PRKCH: variants seen among roughly 807,000 people sequenced by gnomAD.
PRKCH encodes the protein protein kinase C eta type.
PRKCH carries 28 observed loss-of-function variants against 82.5 expected under a neutral mutation model. The observed-to-expected ratio is 0.34, with a 90% CI of 0.25 to 0.47. The LOEUF (loss-of-function observed/expected upper bound fraction) is 0.47. Among genes scored for constraint, PRKCH ranks in the 20% least tolerant of loss-of-function variants. PRKCH has a pLI of 1.00. For missense variants in PRKCH, 705 were observed against 881.8 expected (o/e 0.80, Z 2.54); for synonymous variants, 322 against 327.4 (o/e 0.98, Z 0.18).
intron 1 of PRKCH, among the ~76,000 whole-genome samples, chr14:61,343,979 G>A (rs1594930997): frequency 6.6e-6 from 1 of 152,120 alleles, no homozygotes; most frequent in African/African-American, 2.4e-5. Flanking sequence ...TCTTTTGGAC[G>A]ATGACTTCCT....
chr14:61,506,075 CT>C (rs1249490239), intron 10 of PRKCH, among the ~76,000 whole-genome samples: 2 of 152,084 alleles, frequency 1.3e-5, no homozygotes, highest in Non-Finnish European at 2.9e-5. Flanking sequence ...CCTACCAGGC[CT>C]GGTTCAGTCT....
intron 10 of PRKCH, among the ~76,000 whole-genome samples, chr14:61,521,727 C>T (rs367782177): frequency 2.0e-4 from 31 of 152,192 alleles, no homozygotes; most frequent in African/African-American, 6.3e-4. Flanking sequence ...CCACTGTGCC[C>T]GGCCTTAATC....
intron 10 of PRKCH, 103 bp downstream of exon 10, chr14:61,485,759 G>A (rs954885133): frequency 1.4e-6 from 2 of 1,395,466 alleles, no homozygotes; most frequent in African/African-American, 2.9e-5. Flanking sequence ...AACCTTTTTT[G>A]GAATTAAATT....
chr14:61,377,584 A>G (rs1334140186), intron 1 of PRKCH, among the ~76,000 whole-genome samples: 1 of 152,320 alleles, frequency 6.6e-6, no homozygotes, highest in African/African-American at 2.4e-5. Context: ...TAAGGTCTCA[A>G]TCACAGCTAC....
In PRKCH at chr14:61,549,771, A is replaced by C; in HGVS notation, c.1992A>C (p.Pro664=). ...VLTPIDEGHL[P]MINQDEFRNF... Reference sequence around the variant, plus strand: ...CTCCAATTGATGAGGGACATCTTCCAATGATTAACCAGGATGAGTTTAGAA... The same window carrying C: ...CTCCAATTGATGAGGGACATCTTCCCATGATTAACCAGGATGAGTTTAGAA... The change falls in exon 14 of 14, where the codon CCA becomes CCC. Residue 664 remains proline (P), a synonymous_variant. Transcript: ENST00000332981. 6.2e-7 allele frequency: 1 copy of C among 1,614,086 alleles called. No homozygotes were observed. The highest frequency in any genetic ancestry group is 8.5e-7 in the Non-Finnish European group (1 of 1,180,016).
chr14:61,322,232 A>G lies in PRKCH; in HGVS notation c.131A>G (p.Tyr44Cys). ...AAGGGCCACCAGCTGCTGGACCCCT[A>G]TCTGACGGTGAGCGTGGACCAGGTG... ...FKKGHQLLDP[Y>C]LTVSVDQVRV... Residue 44 changes from tyrosine to cysteine, a missense_variant, in exon 1 of 14, where the codon TAT (tyrosine) becomes TGT (cysteine). Physicochemically the swap from Tyr to Cys is radical, Grantham distance 194. Coordinates refer to ENST00000332981, the MANE Select transcript of PRKCH (RefSeq NM_006255.5). 6.2e-7 allele frequency: 1 copy of G among 1,613,396 alleles called. No individual in the cohort carries two copies. The highest frequency in any genetic ancestry group is 8.5e-7 in the Non-Finnish European group (1 of 1,179,848).
At chr14:61,221,305 A>G (rs936675216) in intron 1 of PRKCH, among the ~76,000 whole-genome samples, 2 of 152,216 alleles carry the variant, frequency 1.3e-5, no homozygotes, top group African/African-American at 4.8e-5. Flanking sequence ...GGGATTTCCC[A>G]TTAAATTAAC....
chr14:61,373,386 A>G (rs1333010499), intron 1 of PRKCH, among the ~76,000 whole-genome samples: 1 of 151,814 alleles, frequency 6.6e-6, no homozygotes, highest in African/African-American at 2.4e-5. Flanking sequence ...AACCAACCAG[A>G]TGTCATGAGA....
At chr14:61,323,186 C>G (rs1400987907) in intron 1 of PRKCH, among the ~76,000 whole-genome samples, 1 of 152,176 alleles carries the variant, frequency 6.6e-6, no homozygotes, top group Non-Finnish European at 1.5e-5. Flanking sequence ...TTCCCTCCCC[C>G]CATCACCAGC....
intron 1 of PRKCH, among the ~76,000 whole-genome samples, chr14:61,210,111 A>AACATAT (rs1475194510): frequency 1.1e-5 from 1 of 87,404 alleles, no homozygotes; most frequent in African/African-American, 3.9e-5. Context: ...CAAACAAACA[A>AACATAT]ATATATATAT....
intron 5 of PRKCH, 38 bp from the exon 6 acceptor site, chr14:61,450,804 A>C: frequency 7.5e-6 from 12 of 1,602,684 alleles, no homozygotes; most frequent in Non-Finnish European, 1.0e-5. Context: ...CATTGGTATG[A>C]CATTTTAGCT....
chr14:61,287,204 TAAAAAAAAAA>T (rs35045657), intron 1 of PRKCH, among the ~76,000 whole-genome samples: 24 of 57,930 alleles, frequency 4.1e-4, no homozygotes, highest in South Asian at 9.3e-4. Context: ...GACTCCGTCT[TAAAAAAAAAA>T]AAAAAAAAAA....
intron 1 of PRKCH, among the ~76,000 whole-genome samples, chr14:61,312,166 T>C (rs985397252): frequency 2.0e-5 from 3 of 152,252 alleles, no homozygotes; most frequent in Non-Finnish European, 4.4e-5. Flanking sequence ...AAAGAAGCAG[T>C]ACCTTAATTT....
intron 1 of PRKCH, chr14:61,187,802 C>G (rs1280431522): frequency 6.6e-6 from 1 of 152,130 alleles, no homozygotes; most frequent in Non-Finnish European, 1.5e-5. Context: ...AATATTGTAA[C>G]CTTAACAAAA....
chr14:61,414,151 G>C (rs1161432190), intron 2 of PRKCH, among the ~76,000 whole-genome samples: 1 of 151,996 alleles, frequency 6.6e-6, no homozygotes, highest in Non-Finnish European at 1.5e-5. Context: ...TTTCAGTCTG[G>C]GATTTCACTC....
At chr14:61,276,850 C>T (rs1387241254) in intron 1 of PRKCH, among the ~76,000 whole-genome samples, 1 of 152,004 alleles carries the variant, frequency 6.6e-6, no homozygotes, top group Non-Finnish European at 1.5e-5. Context: ...GATATTTGCT[C>T]TAAAGGAAAT....
intron 1 of PRKCH, among the ~76,000 whole-genome samples, chr14:61,294,679 C>T (rs1046758855): frequency 3.3e-5 from 5 of 151,926 alleles, no homozygotes; most frequent in Non-Finnish European, 5.9e-5. Flanking sequence ...ATCAATAATA[C>T]ACTGAAGACC....
intron 1 of PRKCH, among the ~76,000 whole-genome samples, chr14:61,348,267 TCAGTGGTG>T (rs2046023333): frequency 6.6e-6 from 1 of 152,070 alleles, no homozygotes; most frequent in African/African-American, 2.4e-5. Context: ...ACATGAGTCG[TCAGTGGTG>T]CACCCAGTTT....
intron 10 of PRKCH, 53 bp from the exon 11 acceptor site, chr14:61,529,022 G>A (rs2043009827): frequency 2.3e-6 from 3 of 1,277,120 alleles, no homozygotes; most frequent in African/African-American, 2.9e-5. Flanking sequence ...TCTGAGAGGT[G>A]GATGGTTTGG....
Sources: gnomAD v4.1 joint callset for allele counts (sites outside exome capture counted in the v4.1 genomes callset) on GRCh38, gnomAD v4.1.1 for gene constraint, MANE v1.5 for transcripts, NCBI Gene and HGNC (gene_info 2026-07-23, HGNC 2026-07-21) for gene names.